CD93: variants seen among roughly 807,000 people sequenced by gnomAD.
CD93 encodes CD93 molecule.
Under a neutral mutation model 45.5 loss-of-function variants are expected in CD93, and 44 were observed. The ratio of observed to expected loss-of-function variants is 0.97; its 90% CI spans 0.76 to 1.24. The LOEUF (loss-of-function observed/expected upper bound fraction) is 1.24. CD93 is among the 50% of genes most tolerant of loss of function. The pLI is 0.00. For synonymous variants in CD93, 431 were observed against 370.8 expected (o/e 1.16, Z -1.87); for missense variants, 918 against 844.5 (o/e 1.09, Z -1.08).
chr20:23,086,145 G>A lies in CD93; in HGVS notation c.48C>T (p.Thr16=), dbSNP rs764896711. Residue 16 remains threonine (T), a synonymous_variant, in exon 1 of 2, where the codon ACC becomes ACT. Transcript: ENST00000246006. ...GLLLLLLLLL[T]QPGAGTGADT... is the part of the protein sequence containing the mutation. The stretch of plus-strand genomic sequence containing the variant: ...CAGCTCCCGTCCCCGCCCCGGGCTG[G>A]GTCAGGAGCAGCAGCAGCAGCAGCA... 13 of 1,576,160 alleles carry A rather than the reference G, an allele frequency of 8.2e-6. No individual in the cohort carries two copies. The South Asian group carries it at 1.1e-4, about 14-fold the overall frequency.
At position 23,086,051 on chromosome 20, in the gene CD93, C is replaced by T. The variant is rs762330297; in HGVS notation, c.142G>A (p.Glu48Lys). 2.5e-6 allele frequency: 4 copies of T among 1,606,760 alleles called. No individual in the cohort carries two copies. The African/African-American group carries it at 4.0e-5, about 16-fold the overall frequency. ...TTCTGGTTGCAGTGGTTCTGGGCCT[C>T]GGCAGCGCTCAGCTTGCCCGAGTGG... ...TAHSGKLSAA[E>K]AQNHCNQNGG... Residue 48 changes from glutamate to lysine, a missense_variant, in exon 1 of 2, where the codon GAG (glutamate) becomes AAG (lysine). Glu to Lys is a moderately conservative substitution (Grantham distance 56, BLOSUM62 1). Transcript: ENST00000246006.
rs1985393205 is a variant in CD93, at chr20:23,083,839, A to G, written c.*111T>C. On this transcript the variant is annotated 3_prime_UTR_variant, in exon 2 of 2. Coordinates refer to ENST00000246006, the MANE Select transcript of CD93 (RefSeq NM_012072.4). ...AGGAGGAGACTTACAATTGTTTGCT[A>G]AGATTCCAGTCCAGTCTTTCAAAAA... 1 of 972,802 alleles carries G rather than the reference A, an allele frequency of 1.0e-6. No homozygotes were observed. Among genetic ancestry groups the G allele is most frequent in the Non-Finnish European group, 1.7e-6 (1 of 595,924 alleles). The allele number at this position is 972,802 out of a possible 1,614,324, so 60.3% of individuals were successfully genotyped here.
In CD93 at chr20:23,085,091, C is replaced by T. The variant is rs757350790; in HGVS notation, c.1102G>A (p.Glu368Lys). The part of the protein sequence containing the change: ...CVNTPGGFRC[E>K]CWVGYEPGGP... ...CCCGGCTCATAGCCAACCCAGCATT[C>T]GCAGCGGAAGCCCCCAGGGGTGTTG... is the stretch of plus-strand genomic sequence containing the variant. The change falls in exon 1 of 2, where the codon GAA becomes AAA. Residue 368 changes from glutamate (E) to lysine (K), a missense_variant. Glu to Lys is a moderately conservative substitution (Grantham distance 56). Coordinates refer to ENST00000246006, the MANE Select transcript of CD93 (RefSeq NM_012072.4). The T allele has an allele frequency of 1.0e-5, 16 of 1,607,886 alleles. No homozygotes were observed. Among genetic ancestry groups the T allele is most frequent in the African/African-American group, 2.7e-5 (2 of 74,844 alleles).
Position 23,086,151 on chromosome 20 carries a change from GAGCAGC to G in CD93, c.36_41del (p.Leu14_Leu15del). The G allele has an allele frequency of 2.5e-6, 4 of 1,569,134 alleles. No homozygotes were observed. The highest frequency in any genetic ancestry group is 3.4e-6 in the Non-Finnish European group (4 of 1,164,670). On this transcript the variant is annotated inframe_deletion, in exon 1 of 2. Transcript: ENST00000246006. ...CCGTCCCCGCCCCGGGCTGGGTCAG[GAGCAGC>G]AGCAGCAGCAGCAGCAGGCCCATGG...
rs772858919 is a variant in CD93 at position 23,082,315 on chromosome 20, G to C, written c.*1635C>G. ...ACTCCAGAGTGTCACCTCAGAGACCGATGCATTGCTAAGGCAAAACCAGAA... is the reference window on the plus strand; with the variant it reads ...ACTCCAGAGTGTCACCTCAGAGACCCATGCATTGCTAAGGCAAAACCAGAA... On this transcript the variant is annotated 3_prime_UTR_variant, in exon 2 of 2. Transcript: ENST00000246006. The C allele has an allele frequency of 1.3e-5, 2 of 152,182 alleles. No homozygotes were observed. The highest frequency in any genetic ancestry group is 2.9e-5 in the Non-Finnish European group (2 of 68,056). 9.4% of individuals were successfully genotyped at this position (152,182 alleles called of 1,614,324 possible). A position where few individuals can be genotyped will look rare whatever the true frequency, so the allele number is the denominator to read the frequency against.
At chr20:23,083,999 T>A in intron 1 of CD93, 25 bp from the exon 2 acceptor site, 1 of 1,613,822 alleles carries the variant, frequency 6.2e-7, no homozygotes, top group Non-Finnish European at 8.5e-7. Context: ...ACAGACAGCG[T>A]TGGAAGCCAT....
rs199768107 is a variant in CD93, at chr20:23,084,361, G to T, written c.1832C>A (p.Ala611Glu). ...CTTCTCCTTCTTCTCCTCCCTCTTC[G>T]CTCTCCGCTTGCGATAGACCAGTAG... Reference protein sequence around the residue: ...LGLLVYRKRRAKREEKKEKKP... With the variant: ...LGLLVYRKRREKREEKKEKKP... The change falls in exon 1 of 2, where the codon GCG becomes GAG. Residue 611 changes from alanine (A) to glutamate (E), a missense_variant. Coordinates refer to ENST00000246006, the MANE Select transcript of CD93 (RefSeq NM_012072.4). 2 of 1,614,122 alleles carry T rather than the reference G, an allele frequency of 1.2e-6. No individual in the cohort carries two copies. Among genetic ancestry groups the T allele is most frequent in the Admixed American group, 1.7e-5 (1 of 60,016 alleles).
At position 23,083,992 on chromosome 20, in the gene CD93, G is replaced by A; in HGVS notation, c.1935-18C>T. On this transcript the variant is annotated intron_variant, in intron 1 of 1. Coordinates refer to ENST00000246006, the MANE Select transcript of CD93 (RefSeq NM_012072.4). ...GTGTCGGACTATGGGAAACAAAACA[G>A]ACAGCGTTGGAAGCCATGGCGCCTC... The A allele has an allele frequency of 6.2e-7, 1 of 1,613,946 alleles. No homozygotes were observed. Among genetic ancestry groups the A allele is most frequent in the Non-Finnish European group, 8.5e-7 (1 of 1,179,954 alleles).
rs1255763210 is a variant in CD93, at chr20:23,086,125, C to G, written c.68G>C (p.Gly23Ala). 1 of 1,583,788 alleles carries G rather than the reference C, an allele frequency of 6.3e-7. No individual in the cohort carries two copies. Among genetic ancestry groups the G allele is most frequent in the Non-Finnish European group, 8.5e-7 (1 of 1,172,362 alleles). ...GCAGACCACCGCCTCCGTGTCAGCTCCCGTCCCCGCCCCGGGCTGGGTCAG... is the reference window on the plus strand; with the variant it reads ...GCAGACCACCGCCTCCGTGTCAGCTGCCGTCCCCGCCCCGGGCTGGGTCAG... ...LLLTQPGAGT[G>A]ADTEAVVCVG... Residue 23 changes from glycine (G) to alanine (A), a missense_variant, in exon 1 of 2, where the codon GGA (glycine) becomes GCA (alanine). Coordinates refer to ENST00000246006, the MANE Select transcript of CD93 (RefSeq NM_012072.4).
At position 23,079,908 on chromosome 20, in the gene CD93, T is replaced by G. The variant is rs1390379302; in HGVS notation, c.*4042A>C. On this transcript the variant is annotated 3_prime_UTR_variant, in exon 2 of 2. Transcript: ENST00000246006. The stretch of plus-strand genomic sequence containing the variant: ...CTTCAGTGAGTATTTGTCTCAGGAA[T>G]CTAGTATGAAAATAGTGTCTTTGAT... 6.6e-6 allele frequency: 1 copy of G among 151,624 alleles called. No individual in the cohort carries two copies. The highest frequency in any genetic ancestry group is 2.4e-5 in the African/African-American group (1 of 41,240). The allele number at this position is 151,624 out of a possible 1,614,324, so 9.4% of individuals were successfully genotyped here.
At position 23,079,460 on chromosome 20, in the gene CD93, G is replaced by C. The variant is rs538417717; in HGVS notation, c.*4490C>G. 6.6e-6 allele frequency: 1 copy of C among 152,330 alleles called. No individual in the cohort carries two copies. The highest frequency in any genetic ancestry group is 2.1e-4 in the South Asian group (1 of 4,828). The allele number at this position is 152,330 out of a possible 1,614,324, so 9.4% of individuals were successfully genotyped here. On this transcript the variant is annotated 3_prime_UTR_variant, in exon 2 of 2. Coordinates refer to ENST00000246006, the MANE Select transcript of CD93 (RefSeq NM_012072.4). ...TGACCCTCAAAGCACCATTTTGTTA[G>C]AACTCAGAGGAGAAGCTCGATCTCT...
In CD93 at chr20:23,080,055, T is replaced by C. The variant is rs538180433; in HGVS notation, c.*3895A>G. On this transcript the variant is annotated 3_prime_UTR_variant, in exon 2 of 2. Transcript: ENST00000246006. Reference sequence around the variant, plus strand: ...TAGAGACAGATGTTTTCTGGGATCATATCTCAGATTCCCAAGCTAAAGCTA... The same window carrying C: ...TAGAGACAGATGTTTTCTGGGATCACATCTCAGATTCCCAAGCTAAAGCTA... The C allele has an allele frequency of 6.6e-6, 1 of 152,454 alleles. No individual in the cohort carries two copies. Among genetic ancestry groups the C allele is most frequent in the East Asian group, 1.9e-4 (1 of 5,184 alleles). 9.4% of individuals were successfully genotyped at this position (152,454 alleles called of 1,614,324 possible). A position where few individuals can be genotyped will look rare whatever the true frequency, so the allele number is the denominator to read the frequency against.
rs948475021 is a variant in CD93 at position 23,080,676 on chromosome 20, T to C, written c.*3274A>G. 2.6e-5 allele frequency: 4 copies of C among 152,222 alleles called. No homozygotes were observed. The highest frequency in any genetic ancestry group is 9.7e-5 in the African/African-American group (4 of 41,450). The allele number at this position is 152,222 out of a possible 1,614,324, so 9.4% of individuals were successfully genotyped here. A position where few individuals can be genotyped will look rare whatever the true frequency, so the allele number is the denominator to read the frequency against. ...GAGCCTCATGCAGTTCATCCCCACA[T>C]TACCCAAACATAACGTCGTAGTGCT... On this transcript the variant is annotated 3_prime_UTR_variant, in exon 2 of 2. Transcript: ENST00000246006.
Position 23,085,842 on chromosome 20 carries a change from C to G in CD93, c.351G>C (p.Val117=). 1.3e-6 allele frequency: 2 copies of G among 1,592,240 alleles called. No homozygotes were observed. Among genetic ancestry groups the G allele is most frequent in the Non-Finnish European group, 1.7e-6 (2 of 1,169,892 alleles). ...PSLPLKGFSW[V]GGGEDTPYSN... Reference sequence around the variant, plus strand: ...AGTAAGGCGTGTCCTCCCCCCCGCCCACCCAGCTGAAGCCCTTCAGCGGCA... The same window carrying G: ...AGTAAGGCGTGTCCTCCCCCCCGCCGACCCAGCTGAAGCCCTTCAGCGGCA... The change falls in exon 1 of 2, where the codon GTG becomes GTC. Residue 117 remains valine (V), a synonymous_variant. Coordinates refer to ENST00000246006, the MANE Select transcript of CD93 (RefSeq NM_012072.4).
rs576363930 is a variant in CD93 at position 23,084,939 on chromosome 20, G to C, written c.1254C>G (p.Ala418=). The C allele has an allele frequency of 6.8e-6, 11 of 1,613,390 alleles. No individual in the cohort carries two copies. Among genetic ancestry groups the C allele is most frequent in the South Asian group, 2.2e-5 (2 of 91,086 alleles). ...CCTGGCACTGAGTCCCGTCCTCCCCGGCCAGGACGTAGCCCTCCTCACAGG... is the reference window on the plus strand; with the variant it reads ...CCTGGCACTGAGTCCCGTCCTCCCCCGCCAGGACGTAGCCCTCCTCACAGG... The part of the protein sequence containing the change: ...HCSCEEGYVL[A]GEDGTQCQDV... Residue 418 remains alanine, a synonymous_variant, in exon 1 of 2, where the codon GCC becomes GCG. Coordinates refer to ENST00000246006, the MANE Select transcript of CD93 (RefSeq NM_012072.4).
In CD93 at chr20:23,083,297, G is replaced by A. The variant is rs1425217809; in HGVS notation, c.*653C>T. ...AGCTTCCTTTGCAAATAAACCCAAG[G>A]CTATTAGAAATGTAAGAACTAAAGA... On this transcript the variant is annotated 3_prime_UTR_variant, in exon 2 of 2. Coordinates refer to ENST00000246006, the MANE Select transcript of CD93 (RefSeq NM_012072.4). 1.3e-5 allele frequency: 2 copies of A among 152,182 alleles called. No individual in the cohort carries two copies. The highest frequency in any genetic ancestry group is 2.4e-5 in the African/African-American group (1 of 41,418). The allele number at this position is 152,182 out of a possible 1,614,324, so 9.4% of individuals were successfully genotyped here. A position where few individuals can be genotyped will look rare whatever the true frequency, so the allele number is the denominator to read the frequency against.
chr20:23,085,867 A>C lies in CD93; in HGVS notation c.326T>G (p.Leu109Arg), dbSNP rs1254965154. The change falls in exon 1 of 2, where the codon CTG (leucine) becomes CGG (arginine). Residue 109 changes from leucine to arginine, a missense_variant. Coordinates refer to ENST00000246006, the MANE Select transcript of CD93 (RefSeq NM_012072.4). Reference sequence around the variant, plus strand: ...CACCCAGCTGAAGCCCTTCAGCGGCAGACTAGGGTCCAGGCACTTGCCCTT... The same window carrying C: ...CACCCAGCTGAAGCCCTTCAGCGGCCGACTAGGGTCCAGGCACTTGCCCTT... ...REKGKCLDPS[L>R]PLKGFSWVGG... 4.0e-6 allele frequency: 4 copies of C among 1,000,194 alleles called. No homozygotes were observed. In the African/African-American group the frequency reaches 7.4e-5, roughly 19 times the overall value. 62.0% of individuals were successfully genotyped at this position (1,000,194 alleles called of 1,614,324 possible). A position where few individuals can be genotyped will look rare whatever the true frequency, so the allele number is the denominator to read the frequency against.
rs185502653 is a variant in CD93, at chr20:23,081,375, G to A, written c.*2575C>T. 13 of 152,404 alleles carry A rather than the reference G, an allele frequency of 8.5e-5. No individual in the cohort carries two copies. Among genetic ancestry groups the A allele is most frequent in the Admixed American group, 8.5e-4 (13 of 15,310 alleles). 9.4% of individuals were successfully genotyped at this position (152,404 alleles called of 1,614,324 possible). On this transcript the variant is annotated 3_prime_UTR_variant, in exon 2 of 2. Coordinates refer to ENST00000246006, the MANE Select transcript of CD93 (RefSeq NM_012072.4). The stretch of plus-strand genomic sequence containing the variant: ...AGGACGATTTGTTAATGGCCTCTTG[G>A]CCGGTGGGCATTTGTTTACCCACTA...
chr20:23,084,066 C>A (rs1485819252), intron 1 of CD93, 92 bp from the exon 2 acceptor site: 3 of 1,520,716 alleles, frequency 2.0e-6, no homozygotes, highest in Non-Finnish European at 2.7e-6. Flanking sequence ...TGCGGCCGTG[C>A]TGCAGATGGG....
Sources: gnomAD v4.1 joint callset for allele counts on GRCh38, gnomAD v4.1.1 for gene constraint, MANE v1.5 for transcripts, NCBI Gene and HGNC (gene_info 2026-07-23, HGNC 2026-07-21) for gene names.